FILIP1L: variants seen among roughly 807,000 people sequenced by gnomAD.
FILIP1L encodes the protein filamin A interacting protein 1 like.
A neutral mutation model predicts 96.6 loss-of-function variants in FILIP1L; 55 were observed. The observed-to-expected ratio is 0.57, with a 90% CI of 0.46 to 0.71. FILIP1L has a LOEUF of 0.71. FILIP1L is among the 30% of genes least tolerant of loss of function. FILIP1L has a pLI of 0.00. For missense variants in FILIP1L, 1,304 were observed against 1,321.2 expected, an observed-to-expected ratio of 0.99 and a Z score of 0.20; for synonymous variants, 467 against 473.9, an observed-to-expected ratio of 0.99 and a Z score of 0.19.
intron 1 of FILIP1L, among the ~76,000 whole-genome samples, chr3:100,093,785 A>G (rs1296899649): frequency 6.6e-6 from 1 of 152,254 alleles, no homozygotes; most frequent in Non-Finnish European, 1.5e-5. Context: ...ACAGTATATA[A>G]ATAGAATCAT....
rs540885770 is a variant in FILIP1L, at chr3:100,084,681, G to A, written c.-11+29372C>T. ...ATAAGTTAGAGAAATTGTCACTTAC[G>A]TATAAACATGAGGATATGGATATTA... On this transcript the variant is annotated intron_variant, in intron 1 of 5. Coordinates refer to ENST00000477258, the MANE Select transcript of FILIP1L (RefSeq NM_001387850.1). Among the ~76,000 whole-genome samples, 129 of 152,268 alleles carry A rather than the reference G, an allele frequency of 8.5e-4. 1 individual carries two copies. Among genetic ancestry groups the A allele is most frequent in the East Asian group, 2.5e-3 (13 of 5,192 alleles).
chr3:99,888,432 T>C (rs947024020), intron 4 of FILIP1L, among the ~76,000 whole-genome samples: 2 of 152,122 alleles, frequency 1.3e-5, no homozygotes, highest in African/African-American at 2.4e-5. Flanking sequence ...AATTATGATT[T>C]ACCAAAGGTT....
chr3:100,029,598 C>G (rs965032991), intron 1 of FILIP1L, among the ~76,000 whole-genome samples: 1 of 152,000 alleles, frequency 6.6e-6, no homozygotes, highest in Non-Finnish European at 1.5e-5. Context: ...TTATTCCAGC[C>G]TAAATAGTCT....
At chr3:100,045,226 C>A (rs1319963548) in intron 1 of FILIP1L, among the ~76,000 whole-genome samples, 1 of 152,210 alleles carries the variant, frequency 6.6e-6, no homozygotes, top group African/African-American at 2.4e-5. Context: ...AAGTAATGAT[C>A]TAGCTGTGCA....
At chr3:99,890,879 G>T (rs146607361) in intron 4 of FILIP1L, among the ~76,000 whole-genome samples, 465 of 152,090 alleles carry the variant, frequency 3.1e-3, no homozygotes, top group African/African-American at 0.011. Context: ...TTTTTTATAT[G>T]AAGTCACGTA....
intron 5 of FILIP1L, among the ~76,000 whole-genome samples, chr3:99,835,546 A>G (rs1294086089): frequency 2.0e-5 from 3 of 152,194 alleles, no homozygotes; most frequent in Non-Finnish European, 2.9e-5. Context: ...TGGTTCTTAA[A>G]TTTTATATGC....
In FILIP1L at chr3:99,885,351, A is replaced by T. The variant is rs185654159; in HGVS notation, c.606-34281T>A. Among the ~76,000 whole-genome samples, 5 of 152,340 alleles carry T rather than the reference A, an allele frequency of 3.3e-5. No homozygotes were observed. In the East Asian group the frequency reaches 9.6e-4, roughly 29 times the overall value. ...CTCTGAGATTTATCTTCAAATGCTG[A>T]TGCATTCTAAGATTTATAGAAGTAC... is the stretch of plus-strand genomic sequence containing the variant. On this transcript the variant is annotated intron_variant, in intron 4 of 5. Transcript: ENST00000477258.
Position 99,849,236 on chromosome 3 carries a change from T to C in FILIP1L, c.2440A>G (p.Ser814Gly). ...ACTGCACGTTCCAGAGGAATGAGGCTCTTGTAATCAGGTGGTTCATTGTCT... is the reference window on the plus strand; with the variant it reads ...ACTGCACGTTCCAGAGGAATGAGGCCCTTGTAATCAGGTGGTTCATTGTCT... The part of the protein sequence containing the change: ...AVDNEPPDYK[S>G]LIPLERAVIN... Residue 814 changes from serine (S) to glycine (G), a missense_variant, in exon 5 of 6, where the codon AGC becomes GGC. Transcript: ENST00000477258. 6.2e-7 allele frequency: 1 copy of C among 1,614,152 alleles called. No homozygotes were observed. The highest frequency in any genetic ancestry group is 8.5e-7 in the Non-Finnish European group (1 of 1,180,030).
chr3:100,053,522 C>T (rs545995688), intron 1 of FILIP1L, among the ~76,000 whole-genome samples: 2 of 152,258 alleles, frequency 1.3e-5, no homozygotes, highest in South Asian at 4.1e-4. Context: ...TGGATTGGGG[C>T]CTACCCTAAT....
chr3:100,093,140 C>T (rs919953341), intron 1 of FILIP1L, among the ~76,000 whole-genome samples: 2 of 152,222 alleles, frequency 1.3e-5, no homozygotes, highest in Admixed American at 6.5e-5. Flanking sequence ...ATACTCTATG[C>T]ACTGGTCATC....
intron 1 of FILIP1L, among the ~76,000 whole-genome samples, chr3:99,947,000 G>A (rs760303714): frequency 2.0e-5 from 3 of 152,002 alleles, no homozygotes; most frequent in Non-Finnish European, 4.4e-5. Flanking sequence ...AGCGGGGCGT[G>A]GTGGCAGGCA....
At chr3:100,016,422 C>T (rs187966307) in intron 1 of FILIP1L, among the ~76,000 whole-genome samples, 13 of 152,234 alleles carry the variant, frequency 8.5e-5, no homozygotes, top group Non-Finnish European at 1.3e-4. Flanking sequence ...AATTCCTGAC[C>T]TCAGGTGATC....
At chr3:100,039,155 A>G (rs1042033711) in intron 1 of FILIP1L, among the ~76,000 whole-genome samples, 1 of 152,228 alleles carries the variant, frequency 6.6e-6, no homozygotes, top group South Asian at 2.1e-4. Context: ...ATAATAGTTC[A>G]TCAAACACAG....
chr3:100,055,152 C>G (rs1238421765), intron 1 of FILIP1L, among the ~76,000 whole-genome samples: 2 of 152,198 alleles, frequency 1.3e-5, no homozygotes, highest in Non-Finnish European at 2.9e-5. Context: ...CAGCTCCTAT[C>G]CCAATTCAGG....
chr3:99,935,066 T>A (rs1400637997), intron 1 of FILIP1L, among the ~76,000 whole-genome samples: 2 of 152,036 alleles, frequency 1.3e-5, no homozygotes, highest in African/African-American at 4.8e-5. Flanking sequence ...CACAAAATGA[T>A]CAGTAATGAG....
intron 1 of FILIP1L, among the ~76,000 whole-genome samples, chr3:99,967,861 G>A (rs938849394): frequency 1.1e-4 from 16 of 152,162 alleles, no homozygotes; most frequent in African/African-American, 3.9e-4. Flanking sequence ...GACACAACAT[G>A]CTCAGGAAAG....
chr3:99,865,149 T>C (rs1559666288), intron 4 of FILIP1L, among the ~76,000 whole-genome samples: 1 of 152,208 alleles, frequency 6.6e-6, no homozygotes, highest in Non-Finnish European at 1.5e-5. Flanking sequence ...TGAACAATTT[T>C]TATATGCCAT....
chr3:99,933,697 G>C (rs1323774274), intron 1 of FILIP1L, among the ~76,000 whole-genome samples: 1 of 152,016 alleles, frequency 6.6e-6, no homozygotes, highest in African/African-American at 2.4e-5. Context: ...TTTATTTATA[G>C]GTATGTTCAC....
intron 1 of FILIP1L, among the ~76,000 whole-genome samples, chr3:99,967,060 C>T (rs1181819805): frequency 1.3e-5 from 2 of 152,088 alleles, no homozygotes; most frequent in Non-Finnish European, 2.9e-5. Flanking sequence ...GGATATGGGG[C>T]AAGAACAGTC....
Sources: gnomAD v4.1 joint callset for allele counts (sites outside exome capture counted in the v4.1 genomes callset) on GRCh38, gnomAD v4.1.1 for gene constraint, MANE v1.5 for transcripts, NCBI Gene and HGNC (gene_info 2026-07-23, HGNC 2026-07-21) for gene names.